SMARCC1: variants seen among roughly 807,000 people sequenced by gnomAD.
SMARCC1 encodes SWI/SNF complex subunit SMARCC1.
Under a neutral mutation model 147.4 loss-of-function variants are expected in SMARCC1, and 43 were observed. That is an observed-to-expected ratio of 0.29 (90% CI 0.23 to 0.38). The LOEUF (loss-of-function observed/expected upper bound fraction) is 0.38. Among genes scored for constraint, SMARCC1 ranks in the 10% least tolerant of loss-of-function variants. The pLI, the probability that SMARCC1 is intolerant of heterozygous loss-of-function variation, is 1.00. For synonymous variants in SMARCC1, 495 were observed against 484.4 expected (o/e 1.02, Z -0.29); for missense variants, 1,119 against 1,381.1 (o/e 0.81, Z 3.01).
At chr3:47,701,484 C>T in intron 10 of SMARCC1, 82 bp from the exon 11 acceptor site, 1 of 1,261,704 alleles carries the variant, frequency 7.9e-7, no homozygotes, top group Non-Finnish European at 1.1e-6. Flanking sequence ...TGTACACCTT[C>T]ATTATTTGTA....
In SMARCC1 at chr3:47,741,089, A is replaced by G. The variant is rs1196645145; in HGVS notation, c.402-2979T>C. On this transcript the variant is annotated intron_variant, in intron 3 of 27. Transcript: ENST00000254480. ...CAGACTAAGCTTCTACCACCAGTTT[A>G]CAAGAAATTTAGAAGACCATGTTAA... Among the ~76,000 whole-genome samples the G allele has an allele frequency of 2.6e-5, 4 of 152,038 alleles. 1 individual carries two copies. The highest frequency in any genetic ancestry group is 9.7e-5 in the African/African-American group (4 of 41,422).
At chr3:47,695,488 C>T (rs556398003) in intron 11 of SMARCC1, among the ~76,000 whole-genome samples, 8 of 152,174 alleles carry the variant, frequency 5.3e-5, no homozygotes, top group African/African-American at 1.7e-4. Context: ...CTTTGTCATC[C>T]GGGCGCGGTG....
chr3:47,776,596 G>A (rs1267468170), intron 1 of SMARCC1, among the ~76,000 whole-genome samples: 1 of 152,040 alleles, frequency 6.6e-6, no homozygotes, highest in African/African-American at 2.4e-5. Context: ...CAGTGAGACT[G>A]TCTCAAAAAT....
chr3:47,740,905 T>C (rs7617598), intron 3 of SMARCC1, among the ~76,000 whole-genome samples: 1,570 of 149,922 alleles, frequency 0.01, 39 homozygotes, highest in African/African-American at 0.036. Context: ...AATTAGAATA[T>C]TGTGACTTTG....
chr3:47,710,937 C>CTT (rs2034077164), intron 8 of SMARCC1, 129 bp from the exon 9 acceptor site: 2 of 587,152 alleles, frequency 3.4e-6, no homozygotes, highest in Admixed American at 7.2e-5. Flanking sequence ...TAATGTGATA[C>CTT]TACTAATGAT....
intron 6 of SMARCC1, among the ~76,000 whole-genome samples, chr3:47,725,032 CAA>C (rs35548192): frequency 1.9e-4 from 6 of 31,630 alleles, no homozygotes; most frequent in African/African-American, 5.0e-4. Flanking sequence ...ACTGTCTCCA[CAA>C]AAAAAAAAAA....
chr3:47,746,381 G>C (rs1353384558), intron 2 of SMARCC1: 1 of 158,242 alleles, frequency 6.3e-6, no homozygotes, highest in Non-Finnish European at 1.4e-5. Context: ...GAGAGGTTGA[G>C]CCTGCGGTGA....
At chr3:47,675,385 C>A in intron 18 of SMARCC1, 90 bp downstream of exon 18, 1 of 592,330 alleles carries the variant, frequency 1.7e-6, no homozygotes, top group Non-Finnish European at 3.0e-6. Context: ...TTTAAAAATA[C>A]CATCAGATTT....
chr3:47,696,077 AGG>A (rs56779302), intron 11 of SMARCC1, among the ~76,000 whole-genome samples: 421 of 25,146 alleles, frequency 0.017, 4 homozygotes, highest in Middle Eastern at 0.038. Flanking sequence ...AAAAAAAAAA[AGG>A]GGGGGGGGGG....
intron 15 of SMARCC1, 159 bp from the exon 16 acceptor site, chr3:47,678,470 A>G (rs544312644): frequency 2.8e-5 from 12 of 427,290 alleles, no homozygotes; most frequent in South Asian, 6.7e-5. Flanking sequence ...TAAAGTTATG[A>G]GTGAATTTAG....
At chr3:47,638,640 A>G (rs1006267828) in intron 22 of SMARCC1, 85 bp downstream of exon 22, 18 of 912,952 alleles carry the variant, frequency 2.0e-5, no homozygotes, top group African/African-American at 1.6e-4. Context: ...AGAGTCCCCT[A>G]AGAGGGACTC....
At chr3:47,768,242 G>A (rs560329590) in intron 2 of SMARCC1, among the ~76,000 whole-genome samples, 7 of 152,230 alleles carry the variant, frequency 4.6e-5, no homozygotes, top group East Asian at 1.9e-4. Flanking sequence ...CTATCTCATC[G>A]AATTTTGTTT....
At chr3:47,701,147 C>A in intron 11 of SMARCC1, 131 bp downstream of exon 11, 1 of 641,034 alleles carries the variant, frequency 1.6e-6, no homozygotes, top group Non-Finnish European at 2.6e-6. Flanking sequence ...AAAAAGATAT[C>A]CATAAAAGGG....
At chr3:47,634,255 G>A (rs2032938430) in intron 24 of SMARCC1, among the ~76,000 whole-genome samples, 1 of 152,140 alleles carries the variant, frequency 6.6e-6, no homozygotes, top group Non-Finnish European at 1.5e-5. Context: ...GTAACTCTCT[G>A]GGTTGACTGA....
At position 47,749,670 on chromosome 3, in the gene SMARCC1, A is replaced by AAC. The variant is rs1328820771; in HGVS notation, c.316-3679_316-3678dup. 6.9e-3 allele frequency among the ~76,000 whole-genome samples: 640 copies of AAC among 92,490 alleles called. 24 individuals carry two copies. Among genetic ancestry groups the AAC allele is most frequent in the South Asian group, 0.056 (128 of 2,268 alleles). 60.7% of individuals were successfully genotyped at this position (92,490 alleles called of 152,430 possible). A position where few individuals can be genotyped will look rare whatever the true frequency, so the allele number is the denominator to read the frequency against. On this transcript the variant is annotated intron_variant, in intron 2 of 27. Transcript: ENST00000254480. ...TGACAAAGTGAGACCCTCTAAATTAAACACACACACACACACACACAAAGT... is the reference window on the plus strand; with the variant it reads ...TGACAAAGTGAGACCCTCTAAATTAAACACACACACACACACACACACAAAGT...
At chr3:47,725,252 A>C (rs2034284597) in intron 6 of SMARCC1, among the ~76,000 whole-genome samples, 2 of 152,142 alleles carry the variant, frequency 1.3e-5, no homozygotes, top group South Asian at 4.1e-4. Flanking sequence ...CATTTCTACG[A>C]AATGACCTGA....
intron 21 of SMARCC1, among the ~76,000 whole-genome samples, chr3:47,646,486 G>A (rs1324984739): frequency 6.6e-6 from 1 of 152,154 alleles, no homozygotes; most frequent in Non-Finnish European, 1.5e-5. Flanking sequence ...AAACTAGTGG[G>A]TCCCGTGCCA....
At chr3:47,719,337 G>A (rs752623100) in intron 7 of SMARCC1, among the ~76,000 whole-genome samples, 5 of 152,154 alleles carry the variant, frequency 3.3e-5, no homozygotes, top group East Asian at 1.9e-4. Flanking sequence ...AATTTCTGAT[G>A]AGAAAACTCA....
At chr3:47,772,713 TA>T in intron 2 of SMARCC1, 103 bp downstream of exon 2, 4 of 1,048,202 alleles carry the variant, frequency 3.8e-6, no homozygotes, top group East Asian at 2.7e-5. Flanking sequence ...TTTTTTTTTT[TA>T]AATTCTACAC....
Sources: gnomAD v4.1 joint callset for allele counts (sites outside exome capture counted in the v4.1 genomes callset) on GRCh38, gnomAD v4.1.1 for gene constraint, MANE v1.5 for transcripts, NCBI Gene and HGNC (gene_info 2026-07-23, HGNC 2026-07-21) for gene names.